Variants in CFAP61 observed in about 807,000 individuals in gnomAD.
CFAP61 encodes the protein cilia and flagella associated protein 61, also known as cilia- and flagella-associated protein 61.
Under a neutral mutation model 135.6 loss-of-function variants are expected in CFAP61, and 107 were observed. That is an observed-to-expected ratio of 0.79 (90% confidence interval 0.67 to 0.93). The LOEUF (loss-of-function observed/expected upper bound fraction) is 0.93. Ranked by LOEUF, CFAP61 falls within the 40% of genes least tolerant of loss-of-function variation. CFAP61 has a pLI of 0.00. For synonymous variants in CFAP61, 575 were observed against 578.5 expected (o/e 0.99, Z 0.09); for missense variants, 1,507 against 1,556.2 (o/e 0.97, Z 0.53).
intron 19 of CFAP61, 148 bp from the exon 20 acceptor site, chr20:20,251,447 C>A (rs78086978): frequency 5.4e-5 from 27 of 498,498 alleles, no homozygotes; most frequent in South Asian, 1.0e-4. Flanking sequence ...TGTTTCATAA[C>A]GAAAAATCTC....
At chr20:20,252,629 G>A (rs1189413653) in intron 20 of CFAP61, among the ~76,000 whole-genome samples, 1 of 151,956 alleles carries the variant, frequency 6.6e-6, no homozygotes, top group Non-Finnish European at 1.5e-5. Context: ...GATTCTTCTT[G>A]TTTCAGTGTG....
chr20:20,212,310 ATC>A (rs965211609), intron 17 of CFAP61, among the ~76,000 whole-genome samples: 4 of 152,010 alleles, frequency 2.6e-5, no homozygotes, highest in Admixed American at 6.6e-5. Flanking sequence ...CCCTCCAGCC[ATC>A]TCTCTCACAC....
At chr20:20,286,060 A>G (rs1197015186) in intron 22 of CFAP61, among the ~76,000 whole-genome samples, 1 of 150,848 alleles carries the variant, frequency 6.6e-6, no homozygotes, top group Non-Finnish European at 1.5e-5. Flanking sequence ...AATTATCCCC[A>G]TCCTGGTCAT....
chr20:20,277,071 G>A, intron 21 of CFAP61, 95 bp from the exon 22 acceptor site: 1 of 955,086 alleles, frequency 1.0e-6, no homozygotes, highest in Non-Finnish European at 1.5e-6. Flanking sequence ...TGAAAAATGA[G>A]AGGGTTATAC....
chr20:20,288,943 G>A lies in CFAP61; in HGVS notation c.3124+7G>A, dbSNP rs201549099. ...AAGGGAGCCAAGATTCAAGGTATACGAGTAGGCTTCCTTCTCCTTGATGAA... is the reference window on the plus strand; with the variant it reads ...AAGGGAGCCAAGATTCAAGGTATACAAGTAGGCTTCCTTCTCCTTGATGAA... On this transcript the variant is annotated splice_region_variant and intron_variant, in intron 23 of 26. Transcript: ENST00000245957. 24 of 1,597,034 alleles carry A rather than the reference G, an allele frequency of 1.5e-5. No individual in the cohort carries two copies. In the East Asian group the frequency reaches 2.3e-4, roughly 15 times the overall value.
In CFAP61 at chr20:20,102,440, T is replaced by A. The variant is rs147902542; in HGVS notation, c.859+3626T>A. Among the ~76,000 whole-genome samples the A allele has an allele frequency of 4.5e-4, 69 of 152,286 alleles. No homozygotes were observed. The East Asian group carries it at 0.01, about 23-fold the overall frequency. ...CCAGAGTTCCCCCAAGGGATTAAGT[T>A]TCAGTTGTCCATAATAGTAATCTGG... On this transcript the variant is annotated intron_variant, in intron 8 of 26. Coordinates refer to ENST00000245957, the MANE Select transcript of CFAP61 (RefSeq NM_015585.4).
intron 7 of CFAP61, among the ~76,000 whole-genome samples, chr20:20,096,042 G>A (rs1247638333): frequency 6.6e-6 from 1 of 152,154 alleles, no homozygotes; most frequent in East Asian, 1.9e-4. Flanking sequence ...TTGTTCTCCA[G>A]TATAAGATAA....
At chr20:20,107,866 A>G (rs1004414383) in intron 8 of CFAP61, 18 of 152,180 alleles carry the variant, frequency 1.2e-4, no homozygotes, top group African/African-American at 4.3e-4. Context: ...GCTTTAAGCA[A>G]TCTTCCTGCC....
At chr20:20,276,846 A>G (rs1412942204) in intron 21 of CFAP61, among the ~76,000 whole-genome samples, 1 of 152,206 alleles carries the variant, frequency 6.6e-6, no homozygotes. Flanking sequence ...TGGTTTCCTT[A>G]ATAAGTATAG....
chr20:20,340,106 G>A (rs890386458), intron 25 of CFAP61, among the ~76,000 whole-genome samples: 10 of 152,170 alleles, frequency 6.6e-5, no homozygotes, highest in African/African-American at 2.2e-4. Context: ...CTTGGGCCCC[G>A]AGGCCCAGCC....
chr20:20,347,985 T>G (rs944925175), intron 26 of CFAP61, among the ~76,000 whole-genome samples: 33 of 108,346 alleles, frequency 3.0e-4, no homozygotes, highest in Admixed American at 1.1e-3. Flanking sequence ...CAAGAAGAAA[T>G]AGAAAATCTC....
At chr20:20,275,461 G>A (rs749646566) in intron 21 of CFAP61, among the ~76,000 whole-genome samples, 4 of 152,164 alleles carry the variant, frequency 2.6e-5, no homozygotes, top group Non-Finnish European at 4.4e-5. Context: ...TTTACAAAAT[G>A]TATTACCTTT....
intron 25 of CFAP61, among the ~76,000 whole-genome samples, chr20:20,304,847 C>T (rs2056369430): frequency 1.3e-5 from 2 of 152,076 alleles, no homozygotes; most frequent in South Asian, 4.2e-4. Context: ...CCCGTGTCTT[C>T]TCGGCTTTCC....
At chr20:20,189,472 ATATGTACTTATGATCTGTACT>A (rs2055756280) in intron 14 of CFAP61, among the ~76,000 whole-genome samples, 1 of 123,280 alleles carries the variant, frequency 8.1e-6, no homozygotes, top group African/African-American at 3.1e-5. Context: ...GCATAAGTAC[ATATGTACTTATGATCTGTACT>A]TATGTACTTA....
chr20:20,249,152 T>TA (rs1056893255), intron 19 of CFAP61, among the ~76,000 whole-genome samples: 1 of 152,192 alleles, frequency 6.6e-6, no homozygotes, highest in African/African-American at 2.4e-5. Context: ...AAATATCACT[T>TA]ACAGTCTTCG....
chr20:20,101,974 G>T (rs1175280711), intron 8 of CFAP61, among the ~76,000 whole-genome samples: 1 of 152,110 alleles, frequency 6.6e-6, no homozygotes, highest in African/African-American at 2.4e-5. Flanking sequence ...CACTTCAGTG[G>T]GTGATCAGTG....
Position 20,176,360 on chromosome 20 carries a change from C to A in CFAP61, c.1385+6900C>A, listed in dbSNP as rs561833387. On this transcript the variant is annotated intron_variant, in intron 13 of 26. Transcript: ENST00000245957. ...CAGCAATTCCATTTCTGGGTATATA[C>A]CCAAAGGAATATAAATCATTCTATT... Among the ~76,000 whole-genome samples, 3 of 152,122 alleles carry A rather than the reference C, an allele frequency of 2.0e-5. No individual in the cohort carries two copies. The East Asian group carries it at 5.8e-4, about 29-fold the overall frequency.
intron 13 of CFAP61, chr20:20,172,333 T>G: frequency 1.1e-6 from 1 of 915,432 alleles, no homozygotes; most frequent in Non-Finnish European, 1.3e-6. Flanking sequence ...TTTTTTTTTT[T>G]TGAGACGGCA....
chr20:20,109,114 T>C (rs907357530), intron 8 of CFAP61, among the ~76,000 whole-genome samples: 2 of 152,234 alleles, frequency 1.3e-5, no homozygotes, highest in Non-Finnish European at 2.9e-5. Context: ...GTGAGAGTCA[T>C]GTCATGCATG....
Sources: allele counts gnomAD v4.1 joint callset (sites outside exome capture counted in the v4.1 genomes callset), GRCh38; gene constraint gnomAD v4.1.1; transcripts MANE v1.5; gene names NCBI Gene and HGNC (gene_info 2026-07-23, HGNC 2026-07-21).